The following MYH15 variants were observed in gnomAD, a reference collection of about 807,000 sequenced individuals.
MYH15 encodes the protein myosin-15.
Under a neutral mutation model 240.5 loss-of-function variants are expected in MYH15, and 227 were observed. That is an observed-to-expected ratio of 0.94 (90% confidence interval 0.85 to 1.05). MYH15 has a LOEUF of 1.05. Among genes scored for constraint, MYH15 ranks in the 50% least tolerant of loss-of-function variants. The pLI, the probability that MYH15 is intolerant of heterozygous loss-of-function variation, is 0.00. For missense variants in MYH15, 2,217 were observed against 2,247.5 expected (o/e 0.99, Z 0.27); for synonymous variants, 785 against 796.7 (o/e 0.99, Z 0.25).
At chr3:108,428,011 G>T (rs934005078) in intron 27 of MYH15, among the ~76,000 whole-genome samples, 6 of 152,186 alleles carry the variant, frequency 3.9e-5, no homozygotes, top group African/African-American at 1.4e-4. Context: ...AACATGTGAT[G>T]AACCTTTCTT....
At chr3:108,420,667 G>A (rs973893319) in intron 28 of MYH15, among the ~76,000 whole-genome samples, 13 of 152,094 alleles carry the variant, frequency 8.5e-5, no homozygotes, top group East Asian at 1.9e-4. Flanking sequence ...TCAGGTAGCC[G>A]GCTGTACAGA....
the MYH15 span, among the ~76,000 whole-genome samples, chr3:108,544,145 G>GTTCTT: frequency 6.6e-6 from 1 of 152,184 alleles, no homozygotes; most frequent in East Asian, 1.9e-4. Flanking sequence ...TCTTGAGAGA[G>GTTCTT]TGAGAGACAA....
chr3:108,522,988 A>T (rs914587798), intron 1 of MYH15, among the ~76,000 whole-genome samples: 4 of 152,044 alleles, frequency 2.6e-5, no homozygotes, highest in African/African-American at 9.7e-5. Flanking sequence ...TCCTTTACCA[A>T]TTTTGTTGGT....
chr3:108,392,267 T>C (rs1426732739), intron 36 of MYH15, among the ~76,000 whole-genome samples: 2 of 152,346 alleles, frequency 1.3e-5, no homozygotes, highest in East Asian at 3.8e-4. Flanking sequence ...CTGGGATGAC[T>C]GATTATTGAA....
At chr3:108,529,369 A>AT (rs1214545123), upstream of MYH15, 1 of 937,344 alleles carries the variant, frequency 1.1e-6, no homozygotes, top group East Asian at 2.6e-5. Context: ...GGAAGGCAAC[A>AT]TTATGTTGAC....
intron 25 of MYH15, among the ~76,000 whole-genome samples, chr3:108,432,984 G>A (rs2082792817): frequency 6.6e-6 from 1 of 152,154 alleles, no homozygotes; most frequent in Non-Finnish European, 1.5e-5. Flanking sequence ...TAAGAAGAGG[G>A]CCACTGTCCT....
intron 12 of MYH15, among the ~76,000 whole-genome samples, chr3:108,474,437 C>A (rs972084157): frequency 6.6e-6 from 1 of 150,604 alleles, no homozygotes; most frequent in African/African-American, 2.4e-5. Context: ...TGTTCTCAGC[C>A]CTCCTAGGGG....
At chr3:108,434,190 GTTT>G (rs5851590) in intron 25 of MYH15, among the ~76,000 whole-genome samples, 32 of 130,984 alleles carry the variant, frequency 2.4e-4, no homozygotes, top group African/African-American at 7.2e-4. Context: ...ATTGAGAATG[GTTT>G]TTTTTTTTTT....
intron 31 of MYH15, 129 bp downstream of exon 31, chr3:108,410,454 C>A: frequency 1.8e-6 from 1 of 554,052 alleles, no homozygotes; most frequent in Non-Finnish European, 3.0e-6. Flanking sequence ...ATAAGTCAAA[C>A]AGAAGTATAA....
intron 12 of MYH15, among the ~76,000 whole-genome samples, chr3:108,471,560 T>G (rs2083177733): frequency 6.6e-6 from 1 of 152,168 alleles, no homozygotes. Flanking sequence ...ATTAAATTCC[T>G]TATCCCTCAC....
intron 17 of MYH15, 59 bp from the exon 18 acceptor site, chr3:108,459,508 C>T (rs1328985282): frequency 1.0e-6 from 1 of 991,056 alleles, no homozygotes; most frequent in East Asian, 2.5e-5. Flanking sequence ...AAACACCAAT[C>T]CACCTCACAA....
At chr3:108,468,001 T>C (rs1193659478) in intron 14 of MYH15, among the ~76,000 whole-genome samples, 1 of 152,062 alleles carries the variant, frequency 6.6e-6, no homozygotes, top group Non-Finnish European at 1.5e-5. Context: ...AATCTCACTC[T>C]GTTGCCCAGG....
intron 1 of MYH15, among the ~76,000 whole-genome samples, chr3:108,516,962 T>A (rs183888530): frequency 3.9e-5 from 6 of 152,106 alleles, no homozygotes; most frequent in Non-Finnish European, 8.8e-5. Context: ...TTTCCTCCCA[T>A]CCCTCCACAG....
the MYH15 span, among the ~76,000 whole-genome samples, chr3:108,536,759 C>T: frequency 6.6e-6 from 1 of 152,172 alleles, no homozygotes; most frequent in Non-Finnish European, 1.5e-5. Flanking sequence ...CATACACCTT[C>T]AAAGAACTAT....
intron 1 of MYH15, among the ~76,000 whole-genome samples, chr3:108,525,251 C>T (rs1346148277): frequency 6.6e-6 from 1 of 152,036 alleles, no homozygotes; most frequent in Admixed American, 6.6e-5. Context: ...AGATGTTATA[C>T]TACTCTAAAT....
chr3:108,432,838 G>T (rs1235812812), intron 25 of MYH15, among the ~76,000 whole-genome samples: 1 of 152,108 alleles, frequency 6.6e-6, no homozygotes, highest in African/African-American at 2.4e-5. Context: ...GTATGGAAAT[G>T]CCTGGATGCC....
intron 29 of MYH15, 106 bp from the exon 30 acceptor site, chr3:108,414,534 C>G (rs780269176): frequency 1.0e-6 from 1 of 957,712 alleles, no homozygotes; most frequent in Non-Finnish European, 1.5e-6. Context: ...CAACCTGCCA[C>G]AAATTCAAGC....
intron 16 of MYH15, among the ~76,000 whole-genome samples, chr3:108,460,770 A>G (rs1241442509): frequency 6.6e-6 from 1 of 152,194 alleles, no homozygotes; most frequent in Non-Finnish European, 1.5e-5. Flanking sequence ...TTAGATAAAA[A>G]GTTAGTTTAC....
At chr3:108,525,623 A>G (rs1377609411) in intron 1 of MYH15, among the ~76,000 whole-genome samples, 2 of 152,128 alleles carry the variant, frequency 1.3e-5, no homozygotes, top group African/African-American at 4.8e-5. Flanking sequence ...GGTGTTTTTT[A>G]ACGAGTGGCT....
Sources: allele counts gnomAD v4.1 joint callset (sites outside exome capture counted in the v4.1 genomes callset), GRCh38; gene constraint gnomAD v4.1.1; transcripts MANE v1.5; gene names NCBI Gene and HGNC (gene_info 2026-07-23, HGNC 2026-07-21).